Variants in ACSL1 observed in about 807,000 individuals in gnomAD.
The protein encoded by ACSL1 is long-chain-fatty-acid--CoA ligase 1.
A neutral mutation model predicts 98.4 loss-of-function variants in ACSL1; 41 were observed. The observed-to-expected ratio is 0.42, with a 90% CI of 0.32 to 0.54. ACSL1 has a LOEUF of 0.54. Among genes scored for constraint, ACSL1 ranks in the 20% least tolerant of loss-of-function variants. The pLI, the probability that ACSL1 is intolerant of heterozygous loss-of-function variation, is 0.13. For missense variants in ACSL1, 734 were observed against 883.1 expected (o/e 0.83, Z 2.14); for synonymous variants, 316 against 322.7 (o/e 0.98, Z 0.22).
chr4:184,810,793 A>G, intron 1 of ACSL1, among the ~76,000 whole-genome samples: 1 of 152,192 alleles, frequency 6.6e-6, no homozygotes, highest in Non-Finnish European at 1.5e-5. Flanking sequence ...TGAGTTTGTT[A>G]GGAGCCACTG....
At chr4:184,762,761 G>C (rs1274262082) in intron 16 of ACSL1, among the ~76,000 whole-genome samples, 1 of 152,234 alleles carries the variant, frequency 6.6e-6, no homozygotes, top group Non-Finnish European at 1.5e-5. Context: ...GCTTGCCCTA[G>C]GTTCTGGCTC....
chr4:184,757,575 A>G lies in ACSL1; in HGVS notation c.1956+60T>C, dbSNP rs1280502353. On this transcript the variant is annotated intron_variant, in intron 20 of 20. Transcript: ENST00000281455. The surrounding 1 kb of genome is among the most constrained non-coding windows in gnomAD (Gnocchi z 4.5). ...CATATGTTTATATAATCTACCTGTA[A>G]AAAAATCTTAATGGAAAATTTGTTT... 2.0e-6 allele frequency: 3 copies of G among 1,515,766 alleles called. No individual in the cohort carries two copies. The highest frequency in any genetic ancestry group is 2.7e-6 in the Non-Finnish European group (3 of 1,107,100). 93.9% of individuals were successfully genotyped at this position (1,515,766 alleles called of 1,614,324 possible).
chr4:184,757,940 G>A lies in ACSL1; in HGVS notation c.1783-20C>T. ...AAATGCCTTTAACACAGACAAATGA[G>A]TTATTACATAGCTTGATCCAAATGC... On this transcript the variant is annotated intron_variant, in intron 18 of 20. Transcript: ENST00000281455. The surrounding 1 kb of genome is among the most constrained non-coding windows in gnomAD (Gnocchi z 4.5). The A allele has an allele frequency of 6.2e-7, 1 of 1,601,414 alleles. No individual in the cohort carries two copies. Among genetic ancestry groups the A allele is most frequent in the Non-Finnish European group, 8.6e-7 (1 of 1,168,856 alleles).
At position 184,788,625 on chromosome 4, in the gene ACSL1, T is replaced by C. The variant is rs754905989; in HGVS notation, c.302A>G (p.Gln101Arg). The change falls in exon 3 of 21, where the codon CAG becomes CGG. Residue 101 changes from glutamine (Q) to arginine (R), a missense_variant. Coordinates refer to ENST00000281455, the MANE Select transcript of ACSL1 (RefSeq NM_001995.5). The part of the protein sequence containing the change: ...TLYEGFQRGI[Q>R]VSNNGPCLGS... ...TGCAGGAAAATGCTTACTTGACACCTGTATTCCCCTCTGGAAACCTTCGTA... is the reference window on the plus strand; with the variant it reads ...TGCAGGAAAATGCTTACTTGACACCCGTATTCCCCTCTGGAAACCTTCGTA... The C allele has an allele frequency of 1.2e-6, 2 of 1,613,622 alleles. No individual in the cohort carries two copies. Among genetic ancestry groups the C allele is most frequent in the East Asian group, 2.2e-5 (1 of 44,888 alleles).
chr4:184,776,641 A>G lies in ACSL1; in HGVS notation c.599T>C (p.Val200Ala), dbSNP rs1214782732. Residue 200 changes from valine (V) to alanine (A), a missense_variant, in exon 7 of 21, where the codon GTT (valine) becomes GCT (alanine). Val to Ala is a moderately conservative substitution (Grantham distance 64). Transcript: ENST00000281455. Reference sequence around the variant, plus strand: ...GAGTTTGGCCTTCTCTGGCTTGTCAACAAAAACCAGAGAGAGTTCAGCTGT... The same window carrying G: ...GAGTTTGGCCTTCTCTGGCTTGTCAGCAAAAACCAGAGAGAGTTCAGCTGT... ...VNKAELSLVF[V>A]DKPEKAKLLL... The G allele has an allele frequency of 1.2e-6, 2 of 1,612,092 alleles. No homozygotes were observed. Among genetic ancestry groups the G allele is most frequent in the South Asian group, 1.1e-5 (1 of 91,056 alleles).
In ACSL1 at chr4:184,766,113, C is replaced by CA; in HGVS notation, c.1264-128_1264-127insT. 1.2e-6 allele frequency: 1 copy of CA among 801,856 alleles called. No individual in the cohort carries two copies. The highest frequency in any genetic ancestry group is 2.0e-6 in the Non-Finnish European group (1 of 497,924). The allele number at this position is 801,856 out of a possible 1,614,324, so 49.7% of individuals were successfully genotyped here. A position where few individuals can be genotyped will look rare whatever the true frequency, so the allele number is the denominator to read the frequency against. On this transcript the variant is annotated intron_variant, in intron 13 of 20. Coordinates refer to ENST00000281455, the MANE Select transcript of ACSL1 (RefSeq NM_001995.5). This position sits in a 1 kb window ranked among gnomAD's most constrained non-coding sequence, Gnocchi z 4.8. The stretch of plus-strand genomic sequence containing the variant: ...AGCTGCAGACCACACGGAGGCCACA[C>CA]GGAGAACTCACAGCCCTCATGATGG...
At chr4:184,809,510 A>G (rs982319748) in intron 1 of ACSL1, among the ~76,000 whole-genome samples, 2 of 152,104 alleles carry the variant, frequency 1.3e-5, no homozygotes, top group Non-Finnish European at 2.9e-5. Flanking sequence ...ACATTTCATT[A>G]GGCCGGGCGC....
intron 5 of ACSL1, among the ~76,000 whole-genome samples, chr4:184,777,769 G>T (rs1765534815): frequency 6.7e-6 from 1 of 149,078 alleles, no homozygotes; most frequent in Non-Finnish European, 1.5e-5. Context: ...ATTGCCTTTG[G>T]AAAGAGAAAG....
chr4:184,814,749 T>A (rs1158749537), intron 1 of ACSL1, among the ~76,000 whole-genome samples: 1 of 152,186 alleles, frequency 6.6e-6, no homozygotes. Context: ...GGTAGTGACC[T>A]GTCCTCAGAA....
intron 2 of ACSL1, among the ~76,000 whole-genome samples, chr4:184,801,869 G>A (rs376488944): frequency 2.6e-5 from 4 of 152,218 alleles, no homozygotes; most frequent in African/African-American, 9.7e-5. Flanking sequence ...AAAACCACAC[G>A]TAAGTGCCCC....
rs1238291855 is a variant in ACSL1 at position 184,803,511 on chromosome 4, G to C, written c.4C>G (p.Gln2Glu). The C allele has an allele frequency of 1.3e-6, 2 of 1,575,844 alleles. No homozygotes were observed. Among genetic ancestry groups the C allele is most frequent in the African/African-American group, 2.7e-5 (2 of 73,838 alleles). The change falls in exon 2 of 21, where the codon CAA (glutamine) becomes GAA (glutamate). Residue 2 changes from glutamine (Q) to glutamate (E), a missense_variant. Coordinates refer to ENST00000281455, the MANE Select transcript of ACSL1 (RefSeq NM_001995.5). The surrounding 1 kb of genome is among the most constrained non-coding windows in gnomAD (Gnocchi z 4.8). Reference sequence around the variant, plus strand: ...AAATACCGGAACAGCTCATGGGCTTGCATTGTCCTGTGTTGATAGTTCTCT... The same window carrying C: ...AAATACCGGAACAGCTCATGGGCTTCCATTGTCCTGTGTTGATAGTTCTCT... Reference protein sequence around the residue: MQAHELFRYFRM... With the variant: MEAHELFRYFRM...
intron 1 of ACSL1, among the ~76,000 whole-genome samples, chr4:184,809,574 C>A (rs1039712083): frequency 6.6e-6 from 1 of 152,024 alleles, no homozygotes; most frequent in African/African-American, 2.4e-5. Flanking sequence ...GGGCAGATCA[C>A]GAGGTCAGGA....
chr4:184,771,388 AAAG>A (rs1764491698), intron 10 of ACSL1, among the ~76,000 whole-genome samples: 1 of 152,190 alleles, frequency 6.6e-6, no homozygotes, highest in South Asian at 2.1e-4. Context: ...AAAGAAGATA[AAAG>A]AAGGTGGATT....
intron 11 of ACSL1, among the ~76,000 whole-genome samples, chr4:184,769,657 G>A (rs923184917): frequency 3.9e-5 from 6 of 152,318 alleles, no homozygotes; most frequent in East Asian, 3.9e-4. Flanking sequence ...GAGCAAATCC[G>A]ACAGGGCAGC....
At chr4:184,823,261 C>T (rs1773206821) in intron 1 of ACSL1, among the ~76,000 whole-genome samples, 2 of 152,222 alleles carry the variant, frequency 1.3e-5, no homozygotes, top group Non-Finnish European at 2.9e-5. Context: ...CAGCTTTGAG[C>T]TGCCTTAGAG....
intron 5 of ACSL1, among the ~76,000 whole-genome samples, chr4:184,778,345 C>A (rs1452312407): frequency 6.6e-6 from 1 of 152,194 alleles, no homozygotes; most frequent in Non-Finnish European, 1.5e-5. Context: ...TCGGTTTTTT[C>A]CCAGAAGGAA....
chr4:184,782,360 T>C (rs940046878), intron 4 of ACSL1, among the ~76,000 whole-genome samples: 43 of 149,194 alleles, frequency 2.9e-4, no homozygotes, highest in African/African-American at 1.1e-3. Flanking sequence ...AATGTACAAA[T>C]CCAAAGTTGG....
intron 17 of ACSL1, 150 bp downstream of exon 17, chr4:184,762,257 G>C (rs1194185838): frequency 4.3e-6 from 3 of 691,680 alleles, no homozygotes; most frequent in Non-Finnish European, 7.8e-6. Flanking sequence ...TGCAGGAAAT[G>C]GAACAGTCTA....
intron 5 of ACSL1, among the ~76,000 whole-genome samples, chr4:184,777,843 A>T (rs545660800): frequency 6.6e-6 from 1 of 152,210 alleles, no homozygotes; most frequent in Admixed American, 6.5e-5. Flanking sequence ...GGATGGCAGG[A>T]TCAAAAGCAG....
Sources: allele counts gnomAD v4.1 joint callset (sites outside exome capture counted in the v4.1 genomes callset), GRCh38; gene constraint gnomAD v4.1.1; non-coding constraint Gnocchi (gnomAD v3.1); transcripts MANE v1.5; gene names NCBI Gene and HGNC (gene_info 2026-07-23, HGNC 2026-07-21).